The following ZNF407 variants were observed in gnomAD, a reference collection of about 807,000 sequenced individuals.
ZNF407 encodes zinc finger protein 407.
A neutral mutation model predicts 131.2 loss-of-function variants in ZNF407; 17 were observed. The observed-to-expected ratio is 0.13, with a 90% CI of 0.09 to 0.19. The LOEUF is 0.19. Ranked by LOEUF, ZNF407 falls within the 10% of genes least tolerant of loss-of-function variation. The pLI, the probability that ZNF407 is intolerant of heterozygous loss-of-function variation, is 1.00. For missense variants in ZNF407, 2,681 were observed against 2,830.6 expected (o/e 0.95, Z 1.20); for synonymous variants, 1,156 against 1,062.0 (o/e 1.09, Z -1.72).
chr18:74,756,721 A>G (rs572792393), intron 3 of ZNF407, among the ~76,000 whole-genome samples: 1 of 128,522 alleles, frequency 7.8e-6, no homozygotes, highest in South Asian at 2.9e-4. Flanking sequence ...AGATCCTGTC[A>G]TCTGTGAATA....
chr18:74,719,390 CT>C (rs1967972785), intron 3 of ZNF407, among the ~76,000 whole-genome samples: 1 of 10,488 alleles, frequency 9.5e-5, no homozygotes, highest in Admixed American at 1.9e-3. Flanking sequence ...TGCTTGCTTA[CT>C]TACTTACTTA....
chr18:74,633,027 A>G lies in ZNF407; in HGVS notation c.2008A>G (p.Asn670Asp). 1.2e-6 allele frequency: 2 copies of G among 1,613,934 alleles called. No homozygotes were observed. The highest frequency in any genetic ancestry group is 2.7e-5 in the African/African-American group (2 of 75,044). ...ACCTTTGAGTACTTTAGAATCAGAA[A>G]ACGCAAAAGAGTCTATGGATGACTC... ...TLPLSTLESE[N>D]AKESMDDSGK... Residue 670 changes from asparagine (N) to aspartate (D), a missense_variant, in exon 2 of 9, where the codon AAC (asparagine) becomes GAC (aspartate). By Grantham distance (23) the Asn-to-Asp change is conservative (BLOSUM62 1). Around this residue, in one of 6 missense-constraint regions of ZNF407, gnomAD observed 1,789 missense variants for 1,748.7 expected, o/e 1.02. Transcript: ENST00000299687.
intron 8 of ZNF407, among the ~76,000 whole-genome samples, chr18:74,990,641 A>G (rs900899583): frequency 1.3e-5 from 2 of 152,224 alleles, no homozygotes; most frequent in Non-Finnish European, 2.9e-5. Context: ...TTATTTTTGC[A>G]GAAGTGATTT....
chr18:75,041,310 GTTA>G (rs1973369636), intron 8 of ZNF407, among the ~76,000 whole-genome samples: 1 of 151,850 alleles, frequency 6.6e-6, no homozygotes, highest in Admixed American at 6.6e-5. Flanking sequence ...GTGATTGCCA[GTTA>G]TTATTATGAA....
At position 75,048,296 on chromosome 18, in the gene ZNF407, A is replaced by G. The variant is rs1477346700; in HGVS notation, c.5429-14854A>G. On this transcript the variant is annotated intron_variant, in intron 8 of 8. Transcript: ENST00000299687. This position sits in a 1 kb window ranked among gnomAD's most constrained non-coding sequence, Gnocchi z 4.1. ...CGTCAGAGGCCTAATTTTTGTCTACATGGTATTTCTTTTTGGCATTTGCCA... is the reference window on the plus strand; with the variant it reads ...CGTCAGAGGCCTAATTTTTGTCTACGTGGTATTTCTTTTTGGCATTTGCCA... Among the ~76,000 whole-genome samples the G allele has an allele frequency of 6.6e-6, 1 of 152,152 alleles. No individual in the cohort carries two copies. Among genetic ancestry groups the G allele is most frequent in the Non-Finnish European group, 1.5e-5 (1 of 68,034 alleles).
At chr18:74,724,467 C>A (rs1294338734) in intron 3 of ZNF407, among the ~76,000 whole-genome samples, 1 of 152,116 alleles carries the variant, frequency 6.6e-6, no homozygotes, top group Non-Finnish European at 1.5e-5. Context: ...CAGTCTCTTC[C>A]CATCTCTTCA....
At chr18:74,922,842 G>A (rs1033564713) in intron 8 of ZNF407, among the ~76,000 whole-genome samples, 13 of 152,252 alleles carry the variant, frequency 8.5e-5, no homozygotes, top group Middle Eastern at 6.8e-3. Flanking sequence ...ATGACCTTCG[G>A]GGAAGATGGG....
chr18:75,030,696 C>G (rs755815070), intron 8 of ZNF407, among the ~76,000 whole-genome samples: 4 of 152,134 alleles, frequency 2.6e-5, no homozygotes, highest in African/African-American at 9.7e-5. Context: ...GTGGCAGGAC[C>G]CATGCTGGGC....
intron 1 of ZNF407, among the ~76,000 whole-genome samples, chr18:74,619,152 A>T (rs1179531035): frequency 6.6e-6 from 1 of 152,184 alleles, no homozygotes; most frequent in African/African-American, 2.4e-5. Context: ...CAAATCCATT[A>T]TTAAGATACT....
intron 7 of ZNF407, among the ~76,000 whole-genome samples, chr18:74,914,610 A>T (rs916786983): frequency 6.6e-6 from 1 of 152,148 alleles, no homozygotes; most frequent in Non-Finnish European, 1.5e-5. Flanking sequence ...TGCTGTACTA[A>T]CCTCATTTTT....
At chr18:74,654,934 T>C (rs921512258) in intron 3 of ZNF407, among the ~76,000 whole-genome samples, 1 of 151,920 alleles carries the variant, frequency 6.6e-6, no homozygotes, top group African/African-American at 2.4e-5. Context: ...CCTGTACATT[T>C]TTCTTATTTC....
chr18:74,824,000 A>T (rs566960800), intron 4 of ZNF407, among the ~76,000 whole-genome samples: 1 of 152,234 alleles, frequency 6.6e-6, no homozygotes, highest in South Asian at 2.1e-4. Flanking sequence ...AACAGAAATC[A>T]TAACAAACAG....
At chr18:74,887,198 T>C (rs532968691) in intron 6 of ZNF407, among the ~76,000 whole-genome samples, 27 of 152,292 alleles carry the variant, frequency 1.8e-4, no homozygotes, top group Middle Eastern at 3.4e-3. Context: ...TATCATATAT[T>C]TTCCATCAAA....
At chr18:74,860,495 A>ATTG (rs1970922757) in intron 4 of ZNF407, among the ~76,000 whole-genome samples, 1 of 148,404 alleles carries the variant, frequency 6.7e-6, no homozygotes, top group African/African-American at 2.5e-5. Context: ...TATTATTATT[A>ATTG]TTATTATTAT....
intron 4 of ZNF407, among the ~76,000 whole-genome samples, chr18:74,847,834 A>G (rs1174715423): frequency 6.6e-6 from 1 of 151,534 alleles, no homozygotes; most frequent in Admixed American, 6.6e-5. Context: ...TATGATATGT[A>G]TAAAATGAGG....
At chr18:74,936,217 A>G (rs1972038422) in intron 8 of ZNF407, among the ~76,000 whole-genome samples, 1 of 152,186 alleles carries the variant, frequency 6.6e-6, no homozygotes, top group African/African-American at 2.4e-5. Context: ...AGAGCTATCT[A>G]TTTTTATTAT....
chr18:74,920,457 A>G, intron 7 of ZNF407, 57 bp from the exon 8 acceptor site: 1 of 1,385,116 alleles, frequency 7.2e-7, no homozygotes, highest in Non-Finnish European at 9.8e-7. Flanking sequence ...CATTATTTGT[A>G]AGATAAGGTT....
chr18:74,731,992 A>G (rs1414695268), intron 3 of ZNF407, among the ~76,000 whole-genome samples: 1 of 152,166 alleles, frequency 6.6e-6, no homozygotes, highest in African/African-American at 2.4e-5. Flanking sequence ...GTCTCATTTT[A>G]CAGAGTTAAA....
chr18:74,787,152 G>A (rs760255202), intron 4 of ZNF407, among the ~76,000 whole-genome samples: 2 of 152,056 alleles, frequency 1.3e-5, no homozygotes, highest in Non-Finnish European at 2.9e-5. Flanking sequence ...AGATCAATTT[G>A]TTCTGCATGG....
Sources: allele counts gnomAD v4.1 joint callset (sites outside exome capture counted in the v4.1 genomes callset), GRCh38; gene constraint gnomAD v4.1.1; regional missense constraint gnomAD v4.1.1; non-coding constraint Gnocchi (gnomAD v3.1); transcripts MANE v1.5; gene names NCBI Gene and HGNC (gene_info 2026-07-23, HGNC 2026-07-21).